The following DNAH5 variants were observed in gnomAD, a reference collection of about 807,000 sequenced individuals.
DNAH5 encodes the protein axonemal beta dynein heavy chain 5.
DNAH5 carries 372 observed loss-of-function variants against 518.2 expected under a neutral mutation model. The ratio of observed to expected loss-of-function variants is 0.72; its 90% CI spans 0.66 to 0.78. The LOEUF is 0.78. DNAH5 is among the 30% of genes least tolerant of loss of function. DNAH5 has a pLI of 0.00. For synonymous variants in DNAH5, 2,039 were observed against 2,025.9 expected (o/e 1.01, Z -0.17); for missense variants, 5,523 against 5,687.0 (o/e 0.97, Z 0.93).
Position 13,876,803 on chromosome 5 carries a change from C to G in DNAH5, c.3277G>C (p.Ala1093Pro). ...ACGGGAATGGGTAAATTTACAGATG[C>G]TATCTCCAAGGTATCTAAAAAGAAA... Reference protein sequence around the residue: ...ENELQDTLEIASVNLPIPVQT... With the variant: ...ENELQDTLEIPSVNLPIPVQT... Residue 1093 changes from alanine (A) to proline (P), a missense_variant, in exon 22 of 79, where the codon GCA (alanine) becomes CCA (proline). By Grantham distance (27) the Ala-to-Pro change is conservative (BLOSUM62 -1). Around this residue, in one of 3 missense-constraint regions of DNAH5, gnomAD observed 5,121 missense variants for 5,223.3 expected, o/e 0.98. Transcript: ENST00000265104. 6.2e-7 allele frequency: 1 copy of G among 1,613,616 alleles called. No homozygotes were observed.
chr5:14,001,128 T>C (rs1456900880), intron 1 of DNAH5, among the ~76,000 whole-genome samples: 1 of 152,098 alleles, frequency 6.6e-6, no homozygotes, highest in African/African-American at 2.4e-5. Context: ...ACAACAGACA[T>C]GGAGGACTAC....
At chr5:13,800,020 G>A (rs1758493358) in intron 47 of DNAH5, among the ~76,000 whole-genome samples, 1 of 152,166 alleles carries the variant, frequency 6.6e-6, no homozygotes, top group Non-Finnish European at 1.5e-5. Flanking sequence ...TGTTGGACAT[G>A]CTTGCATGGG....
intron 15 of DNAH5, chr5:13,899,715 A>T (rs533507052): frequency 9.0e-5 from 15 of 166,588 alleles, no homozygotes; most frequent in African/African-American, 3.6e-4. Flanking sequence ...AATTCATGGA[A>T]CTGCTCACAC....
chr5:13,929,541 A>C (rs760196807), intron 2 of DNAH5, among the ~76,000 whole-genome samples: 2 of 152,232 alleles, frequency 1.3e-5, no homozygotes, highest in Admixed American at 6.5e-5. Flanking sequence ...ATCTAGCCTG[A>C]ACAATTAAAT....
intron 69 of DNAH5, among the ~76,000 whole-genome samples, chr5:13,727,894 T>C (rs1276495664): frequency 1.3e-5 from 2 of 152,190 alleles, no homozygotes; most frequent in Non-Finnish European, 2.9e-5. Flanking sequence ...GGGAGAGTCA[T>C]GGGATATTTA....
intron 44 of DNAH5, chr5:13,810,625 G>A (rs1421681944): frequency 5.6e-6 from 1 of 180,050 alleles, no homozygotes; most frequent in African/African-American, 2.4e-5. Context: ...GTGGTGGCGG[G>A]CGCCTGTAGT....
chr5:13,862,435 T>A (rs1768582211), intron 29 of DNAH5, 113 bp downstream of exon 29: 2 of 1,050,592 alleles, frequency 1.9e-6, no homozygotes, highest in Admixed American at 4.6e-5. Context: ...ACAAGTATTT[T>A]CAACATTGAG....
intron 31 of DNAH5, among the ~76,000 whole-genome samples, chr5:13,850,170 G>GA (rs58376393): frequency 8.0e-5 from 12 of 150,226 alleles, no homozygotes; most frequent in Admixed American, 4.6e-4. Flanking sequence ...TTAACCAAAG[G>GA]AAAAAAAAAC....
At chr5:13,752,098 T>G (rs756938225) in intron 64 of DNAH5, 36 bp downstream of exon 64, 1 of 1,610,806 alleles carries the variant, frequency 6.2e-7, no homozygotes, top group South Asian at 1.1e-5. Flanking sequence ...CTCATGGTAA[T>G]TGTTCTGCAC....
At chr5:13,773,087 A>G (rs1561219820) in intron 55 of DNAH5, among the ~76,000 whole-genome samples, 2 of 152,236 alleles carry the variant, frequency 1.3e-5, no homozygotes. Flanking sequence ...TATTGAAGAA[A>G]GAAACCATGT....
At chr5:13,937,727 G>A (rs141713503) in intron 1 of DNAH5, among the ~76,000 whole-genome samples, 17 of 152,180 alleles carry the variant, frequency 1.1e-4, no homozygotes, top group Admixed American at 5.9e-4. Flanking sequence ...TTTGTTGCAC[G>A]TCTGAATCTG....
intron 1 of DNAH5, among the ~76,000 whole-genome samples, chr5:13,989,482 C>CT (rs34462296): frequency 0.045 from 5,802 of 128,750 alleles, 226 homozygotes; most frequent in African/African-American, 0.074. Context: ...TAGAGGGAGA[C>CT]TTTTTTTTTT....
intron 1 of DNAH5, among the ~76,000 whole-genome samples, chr5:13,952,141 G>C (rs1780465006): frequency 1.6e-5 from 1 of 63,444 alleles, no homozygotes; most frequent in African/African-American, 5.6e-5. Context: ...ATTAACTAGA[G>C]GGATCTCCCA....
chr5:13,721,211 T>G lies in DNAH5; in HGVS notation c.12068A>C (p.Lys4023Thr). Residue 4023 changes from lysine to threonine, a missense_variant, in exon 71 of 79, where the codon AAA becomes ACA. Transcript: ENST00000265104. The part of the protein sequence containing the change: ...RKYIVDSMGE[K>T]YAEGVILDLE... Reference sequence around the variant, plus strand: ...GTCTAAAATAACACCTTCGGCATATTTTTCTCCCATGGAGTCCACGATGTA... The same window carrying G: ...GTCTAAAATAACACCTTCGGCATATGTTTCTCCCATGGAGTCCACGATGTA... The G allele has an allele frequency of 2.5e-6, 4 of 1,614,110 alleles. No individual in the cohort carries two copies. The highest frequency in any genetic ancestry group is 3.4e-6 in the Non-Finnish European group (4 of 1,179,980).
In DNAH5 at chr5:13,871,554, A is replaced by G. The variant is rs1310926563; in HGVS notation, c.3598+10T>C. Reference sequence around the variant, plus strand: ...AATTTATATAACTATATGAAAGAAAATGAACCAACCTGTGTACAGAGCAAT... The same window carrying G: ...AATTTATATAACTATATGAAAGAAAGTGAACCAACCTGTGTACAGAGCAAT... On this transcript the variant is annotated intron_variant, in intron 23 of 78. Transcript: ENST00000265104. The G allele has an allele frequency of 6.2e-7, 1 of 1,610,140 alleles. No homozygotes were observed. The highest frequency in any genetic ancestry group is 8.5e-7 in the Non-Finnish European group (1 of 1,176,696).
intron 47 of DNAH5, among the ~76,000 whole-genome samples, chr5:13,798,744 A>T (rs752040360): frequency 3.5e-3 from 100 of 28,442 alleles, no homozygotes; most frequent in South Asian, 6.5e-3. Flanking sequence ...TATTTATTTT[A>T]TTTATTTATT....
At chr5:13,977,423 G>C (rs1275468839) in intron 1 of DNAH5, among the ~76,000 whole-genome samples, 3 of 152,114 alleles carry the variant, frequency 2.0e-5, no homozygotes, top group Non-Finnish European at 4.4e-5. Flanking sequence ...AGACCGAAAG[G>C]CTTATAAACA....
intron 1 of DNAH5, among the ~76,000 whole-genome samples, chr5:13,972,352 C>T (rs950575146): frequency 6.6e-6 from 1 of 152,194 alleles, no homozygotes; most frequent in African/African-American, 2.4e-5. Context: ...GGGATTCTGT[C>T]CAGGAAACCT....
chr5:13,715,291 C>T (rs887655012), intron 74 of DNAH5, among the ~76,000 whole-genome samples: 2 of 152,166 alleles, frequency 1.3e-5, no homozygotes, highest in African/African-American at 4.8e-5. Context: ...GAGTCATACT[C>T]GTATTTCCCT....
Sources: allele counts gnomAD v4.1 joint callset (sites outside exome capture counted in the v4.1 genomes callset), GRCh38; gene constraint gnomAD v4.1.1; regional missense constraint gnomAD v4.1.1; transcripts MANE v1.5; gene names NCBI Gene and HGNC (gene_info 2026-07-23, HGNC 2026-07-21).